Variants in ERBB4 observed in about 807,000 individuals in gnomAD.
ERBB4 encodes the protein erb-b2 receptor tyrosine kinase 4.
In ERBB4, 42 loss-of-function variants were observed where a neutral mutation model predicts 158.0. The observed-to-expected ratio is 0.27, with a 90% CI of 0.21 to 0.34. ERBB4 has a LOEUF of 0.34. Among genes scored for constraint, ERBB4 ranks in the 10% least tolerant of loss-of-function variants. ERBB4 has a pLI of 1.00. For synonymous variants in ERBB4, 583 were observed against 558.7 expected (o/e 1.04, Z -0.61); for missense variants, 1,333 against 1,624.1 (o/e 0.82, Z 3.08).
chr2:211,605,882 G>A (rs954420787), intron 19 of ERBB4, among the ~76,000 whole-genome samples: 1 of 152,038 alleles, frequency 6.6e-6, no homozygotes. Context: ...CTCCCAACTT[G>A]TAGGTAGCAG....
At chr2:211,505,959 CAAAA>C in intron 20 of ERBB4, among the ~76,000 whole-genome samples, 1 of 94,718 alleles carries the variant, frequency 1.1e-5, no homozygotes, top group East Asian at 3.3e-4. Flanking sequence ...GACTCCATCT[CAAAA>C]AAAAAAAAAA....
chr2:212,364,550 AT>A (rs2089811286), intron 1 of ERBB4, among the ~76,000 whole-genome samples: 1 of 151,802 alleles, frequency 6.6e-6, no homozygotes, highest in Non-Finnish European at 1.5e-5. Context: ...AAAATGTAAC[AT>A]TAAAGAAGCT....
intron 13 of ERBB4, among the ~76,000 whole-genome samples, chr2:211,673,911 T>C (rs2071951787): frequency 6.6e-6 from 1 of 152,158 alleles, no homozygotes; most frequent in Admixed American, 6.5e-5. Flanking sequence ...TCTATAGGTA[T>C]ACAATAAAAG....
At chr2:211,798,259 T>C (rs2076426185) in intron 3 of ERBB4, among the ~76,000 whole-genome samples, 1 of 152,110 alleles carries the variant, frequency 6.6e-6, no homozygotes, top group Non-Finnish European at 1.5e-5. Flanking sequence ...ACACAATATG[T>C]ATCTTATTCC....
intron 1 of ERBB4, chr2:212,426,320 T>G (rs374992602): frequency 2.1e-6 from 1 of 465,436 alleles, no homozygotes; most frequent in Non-Finnish European, 4.3e-6. Flanking sequence ...AAAGTAATGA[T>G]AAAAACTGCA....
At chr2:211,421,774 ATC>A (rs2063519501) in intron 24 of ERBB4, among the ~76,000 whole-genome samples, 1 of 151,946 alleles carries the variant, frequency 6.6e-6, no homozygotes, top group African/African-American at 2.4e-5. Context: ...TATATGTATA[ATC>A]ATAATTATCT....
At chr2:212,284,723 A>G (rs916956823) in intron 1 of ERBB4, among the ~76,000 whole-genome samples, 6 of 152,116 alleles carry the variant, frequency 3.9e-5, no homozygotes, top group Admixed American at 6.6e-5. Flanking sequence ...TTATACCTAA[A>G]CATAAGTTAA....
intron 15 of ERBB4, among the ~76,000 whole-genome samples, chr2:211,660,841 T>C (rs2071398338): frequency 6.6e-6 from 1 of 152,060 alleles, no homozygotes; most frequent in South Asian, 2.1e-4. Context: ...AAAATATAAT[T>C]GAGTAAAACC....
At chr2:212,059,441 G>T (rs1034831321) in intron 2 of ERBB4, among the ~76,000 whole-genome samples, 1 of 151,978 alleles carries the variant, frequency 6.6e-6, no homozygotes, top group Non-Finnish European at 1.5e-5. Context: ...GGAAAAAACT[G>T]CTTTAAAGTT....
intron 16 of ERBB4, among the ~76,000 whole-genome samples, chr2:211,650,498 C>T (rs2070942537): frequency 6.6e-6 from 1 of 152,070 alleles, no homozygotes; most frequent in African/African-American, 2.4e-5. Context: ...GCAATGGGTT[C>T]AGGCAAACAG....
intron 20 of ERBB4, among the ~76,000 whole-genome samples, chr2:211,544,626 A>C (rs1165902902): frequency 1.3e-5 from 2 of 152,050 alleles, no homozygotes; most frequent in African/African-American, 4.8e-5. Flanking sequence ...AATAATAATG[A>C]TAGCAAAACG....
At chr2:211,587,741 AC>A (rs2125785795) in intron 19 of ERBB4, among the ~76,000 whole-genome samples, 1 of 152,300 alleles carries the variant, frequency 6.6e-6, no homozygotes, top group South Asian at 2.1e-4. Context: ...CCACGAGGAA[AC>A]AAATGCTGGC....
At chr2:212,375,584 TC>T (rs1357552811) in intron 1 of ERBB4, among the ~76,000 whole-genome samples, 1 of 152,090 alleles carries the variant, frequency 6.6e-6, no homozygotes, top group African/African-American at 2.4e-5. Context: ...ATGTTACAGT[TC>T]TTAGAAGAAT....
chr2:211,506,791 C>T (rs1308923851), intron 20 of ERBB4, among the ~76,000 whole-genome samples: 1 of 151,800 alleles, frequency 6.6e-6, no homozygotes, highest in Non-Finnish European at 1.5e-5. Flanking sequence ...TAAAAAACTC[C>T]ATCTAAAAGA....
intron 20 of ERBB4, among the ~76,000 whole-genome samples, chr2:211,437,799 G>A (rs1463228970): frequency 2.0e-5 from 3 of 151,970 alleles, no homozygotes; most frequent in Non-Finnish European, 4.4e-5. Flanking sequence ...CGTAATAACA[G>A]GAAGCTTCAG....
chr2:212,233,834 T>C (rs2083750181), intron 1 of ERBB4, among the ~76,000 whole-genome samples: 1 of 152,000 alleles, frequency 6.6e-6, no homozygotes, highest in Non-Finnish European at 1.5e-5. Context: ...TTTGTGCATG[T>C]ATTTATCTTA....
chr2:211,947,326 C>T (rs1046422437), intron 3 of ERBB4, 104 bp downstream of exon 3: 55 of 923,230 alleles, frequency 6.0e-5, no homozygotes, highest in Non-Finnish European at 8.6e-5. Context: ...ATTTAAATGC[C>T]TTAGAGTGTT....
At chr2:212,065,102 T>C (rs2077903187) in intron 2 of ERBB4, among the ~76,000 whole-genome samples, 1 of 151,764 alleles carries the variant, frequency 6.6e-6, no homozygotes. Flanking sequence ...TAAATGGTTT[T>C]ACTAATCACC....
chr2:211,770,836 G>T (rs1008936290), intron 4 of ERBB4, among the ~76,000 whole-genome samples: 1 of 152,190 alleles, frequency 6.6e-6, no homozygotes, highest in East Asian at 1.9e-4. Context: ...GATATACCAG[G>T]CCCAGGAGGT....
Sources: allele counts gnomAD v4.1 joint callset (sites outside exome capture counted in the v4.1 genomes callset), GRCh38; gene constraint gnomAD v4.1.1; transcripts MANE v1.5; gene names NCBI Gene and HGNC (gene_info 2026-07-23, HGNC 2026-07-21).